The following NIT1 variants were observed in gnomAD, a reference collection of about 807,000 sequenced individuals.
NIT1 encodes the protein deaminated glutathione amidase.
A neutral mutation model predicts 36.8 loss-of-function variants in NIT1; 30 were observed. The ratio of observed to expected loss-of-function variants is 0.82; its 90% CI spans 0.61 to 1.11. The LOEUF is 1.11. Ranked by LOEUF, NIT1 falls within the 50% of genes least tolerant of loss-of-function variation. The pLI is 0.00. For synonymous variants in NIT1, 151 were observed against 155.6 expected, an observed-to-expected ratio of 0.97 and a Z score of 0.22; for missense variants, 438 against 410.6, an observed-to-expected ratio of 1.07 and a Z score of -0.58.
downstream of NIT1, chr1:161,125,175 A>G (rs549040611): frequency 1.6e-4 from 25 of 152,356 alleles, no homozygotes; most frequent in African/African-American, 5.5e-4. Flanking sequence ...ACTTAACTCC[A>G]GATTCTCAGT....
rs1207672994 is a variant in NIT1, at chr1:161,119,951, A to G, written c.590A>G (p.Lys197Arg). Residue 197 changes from lysine (K) to arginine (R), a missense_variant and splice_region_variant, in exon 5 of 7, where the codon AAG (lysine) becomes AGG (arginine). Physicochemically the swap from Lys to Arg is conservative, Grantham distance 26. Coordinates refer to ENST00000368009, the MANE Select transcript of NIT1 (RefSeq NM_005600.3). ...TCACCTGTCAGCACACCAGCAGGCAAGGTAGGAGTTGTGAAAGGATGAGGG... is the reference window on the plus strand; with the variant it reads ...TCACCTGTCAGCACACCAGCAGGCAGGGTAGGAGTTGTGAAAGGATGAGGG... The part of the protein sequence containing the change: ...LESPVSTPAG[K>R]IGLAVCYDMR... 6.2e-6 allele frequency: 10 copies of G among 1,607,756 alleles called. No individual in the cohort carries two copies. The Admixed American group carries it at 1.7e-4, about 27-fold the overall frequency.
At chr1:161,124,588 C>T (rs1414305302), downstream of NIT1, 2 of 1,459,252 alleles carry the variant, frequency 1.4e-6, no homozygotes, top group Non-Finnish European at 1.8e-6. Flanking sequence ...TCATGCATTC[C>T]CATATTCCCA....
At chr1:161,118,312 G>GGCGGGGC in intron 1 of NIT1, 134 bp downstream of exon 1, 3 of 1,549,250 alleles carry the variant, frequency 1.9e-6, no homozygotes, top group Non-Finnish European at 2.6e-6. Context: ...GAGGGTGGAG[G>GGCGGGGC]GCGGGGCGCG....
At chr1:161,121,861 A>G (rs755080823), downstream of NIT1, 14 of 370,644 alleles carry the variant, frequency 3.8e-5, no homozygotes, top group Non-Finnish European at 6.5e-5. Context: ...TATGTGCTGT[A>G]GACTTTGCTT....
At chr1:161,122,570 T>A (rs1655623630), downstream of NIT1, 2 of 1,580,408 alleles carry the variant, frequency 1.3e-6, no homozygotes, top group African/African-American at 1.4e-5. The surrounding 1 kb of genome is among the most constrained non-coding windows in gnomAD (Gnocchi z 4.2). Context: ...CAGTAAGGGA[T>A]GAGTTTACAA....
At position 161,120,616 on chromosome 1, in the gene NIT1, G is replaced by C; in HGVS notation, c.835G>C (p.Gly279Arg). 5.6e-6 allele frequency: 9 copies of C among 1,614,228 alleles called. No homozygotes were observed. Among genetic ancestry groups the C allele is most frequent in the Non-Finnish European group, 7.6e-6 (9 of 1,180,040 alleles). ...CCACAGCATGGTGGTAGACCCCTGG[G>C]GAACAGTGGTGGCCCGCTGCTCTGA... is the stretch of plus-strand genomic sequence containing the variant. ...YGHSMVVDPW[G>R]TVVARCSEGP... The change falls in exon 7 of 7, where the codon GGA becomes CGA. Residue 279 changes from glycine to arginine, a missense_variant. Physicochemically the swap from Gly to Arg is moderately radical, Grantham distance 125. Coordinates refer to ENST00000368009, the MANE Select transcript of NIT1 (RefSeq NM_005600.3).
chr1:161,119,495 T>A lies in NIT1; in HGVS notation c.354-14T>A. On this transcript the variant is annotated splice_polypyrimidine_tract_variant and intron_variant, in intron 3 of 6. Coordinates refer to ENST00000368009, the MANE Select transcript of NIT1 (RefSeq NM_005600.3). The stretch of plus-strand genomic sequence containing the variant: ...AGAAGTCAGTGAAGAGTTGTCAGTG[T>A]CCCTTCCCCCCAGGGAATGTGGACT... 1 of 1,613,776 alleles carries A rather than the reference T, an allele frequency of 6.2e-7. No homozygotes were observed. Among genetic ancestry groups the A allele is most frequent in the African/African-American group, 1.3e-5 (1 of 75,030 alleles).
chr1:161,124,601 T>G, downstream of NIT1: 1 of 1,442,572 alleles, frequency 6.9e-7, no homozygotes, highest in Non-Finnish European at 9.1e-7. Context: ...TATTCCCAGT[T>G]GCTAACAATG....
chr1:161,119,178 T>C lies in NIT1; in HGVS notation c.143T>C (p.Leu48Pro). ...TCCTCTTCCTCCTGCGAACTGCCCC[T>C]GGTGGCTGTGTGCCAGGTAACATCG... ...AISSSSCELP[L>P]VAVCQVTSTP... is the part of the protein sequence containing the mutation. The change falls in exon 3 of 7, where the codon CTG becomes CCG. Residue 48 changes from leucine to proline, a missense_variant. Coordinates refer to ENST00000368009, the MANE Select transcript of NIT1 (RefSeq NM_005600.3). The C allele has an allele frequency of 2.5e-6, 4 of 1,614,104 alleles. No individual in the cohort carries two copies. Among genetic ancestry groups the C allele is most frequent in the Non-Finnish European group, 3.4e-6 (4 of 1,180,014 alleles).
downstream of NIT1, chr1:161,124,409 C>G (rs551657580): frequency 1.1e-4 from 179 of 1,612,458 alleles, 3 homozygotes; most frequent in South Asian, 1.9e-3. Context: ...CATGTTCCTG[C>G]TCACCATGCT....
rs557271646 is a variant in NIT1 at position 161,118,136 on chromosome 1, C to T, written c.-41C>T. 18 of 1,613,914 alleles carry T rather than the reference C, an allele frequency of 1.1e-5. No individual in the cohort carries two copies. Among genetic ancestry groups the T allele is most frequent in the South Asian group, 1.1e-4 (10 of 91,086 alleles). On this transcript the variant is annotated 5_prime_UTR_variant, in exon 1 of 7. Coordinates refer to ENST00000368009, the MANE Select transcript of NIT1 (RefSeq NM_005600.3). Reference sequence around the variant, plus strand: ...TGCGGCGCTTCTGGCTCCAGACCGCCCTCCGGATCGGACCCTGCGAATGGT... The same window carrying T: ...TGCGGCGCTTCTGGCTCCAGACCGCTCTCCGGATCGGACCCTGCGAATGGT...
chr1:161,121,951 A>T (rs1405868126), downstream of NIT1: 1 of 647,934 alleles, frequency 1.5e-6, no homozygotes, highest in Non-Finnish European at 2.6e-6. Flanking sequence ...AAGGGAAATA[A>T]AGGGGAAGCC....
downstream of NIT1, chr1:161,122,604 A>C: frequency 6.6e-7 from 1 of 1,517,170 alleles, no homozygotes; most frequent in Non-Finnish European, 8.9e-7. The surrounding 1 kb of genome is among the most constrained non-coding windows in gnomAD (Gnocchi z 4.2). Flanking sequence ...ACTGAAAAGC[A>C]CAACAGAATA....
chr1:161,119,647 C>A, intron 4 of NIT1, 35 bp downstream of exon 4: 1 of 1,578,250 alleles, frequency 6.3e-7, no homozygotes, highest in South Asian at 1.1e-5. Flanking sequence ...TGCCTCTTCC[C>A]ATGCTCTTCT....
downstream of NIT1, chr1:161,124,462 T>C: frequency 6.3e-7 from 1 of 1,599,004 alleles, no homozygotes; most frequent in Non-Finnish European, 8.6e-7. Context: ...AGGCCCGCCA[T>C]GCTGGGGGCT....
chr1:161,118,862 G>C lies in NIT1; in HGVS notation c.79G>C (p.Val27Leu). Residue 27 changes from valine (V) to leucine (L), a missense_variant, in exon 2 of 7, where the codon GTA becomes CTA. Transcript: ENST00000368009. Reference sequence around the variant, plus strand: ...TGGACTCCGGATACCTCAACTCTCAGTACTTTGTGCTCAGCCCAGGTAACA... The same window carrying C: ...TGGACTCCGGATACCTCAACTCTCACTACTTTGTGCTCAGCCCAGGTAACA... The part of the protein sequence containing the change: ...CPGLRIPQLS[V>L]LCAQPRPRAM... 6.2e-7 allele frequency: 1 copy of C among 1,613,800 alleles called. No individual in the cohort carries two copies. Among genetic ancestry groups the C allele is most frequent in the Non-Finnish European group, 8.5e-7 (1 of 1,179,756 alleles).
rs200606669 is a variant in NIT1 at position 161,119,853 on chromosome 1, G to T, written c.492G>T (p.Leu164=). The change falls in exon 5 of 7, where the codon CTG becomes CTT. Residue 164 remains leucine, a synonymous_variant. Transcript: ENST00000368009. ...TGGCCACTTACAGGAAGACACATCT[G>T]TGTGACGTAGAGATTCCAGGGCAGG... ...AVVATYRKTH[L]CDVEIPGQGP... 1 of 1,611,952 alleles carries T rather than the reference G, an allele frequency of 6.2e-7. No individual in the cohort carries two copies. Among genetic ancestry groups the T allele is most frequent in the East Asian group, 2.2e-5 (1 of 44,860 alleles).
rs1482874249 is a variant in NIT1 at position 161,121,053 on chromosome 1, AATAATC to A, written c.*293_*298del. On this transcript the variant is annotated 3_prime_UTR_variant, in exon 7 of 7. Transcript: ENST00000368009. The stretch of plus-strand genomic sequence containing the variant: ...GAGCAGCACTGGCATTGAAAAATAT[AATAATC>A]ATAAAGTCTGTGTCTGGACATCGCC... 15 of 1,269,394 alleles carry A rather than the reference AATAATC, an allele frequency of 1.2e-5. No individual in the cohort carries two copies. Among genetic ancestry groups the A allele is most frequent in the Non-Finnish European group, 1.4e-5 (14 of 1,000,896 alleles). 78.6% of individuals were successfully genotyped at this position (1,269,394 alleles called of 1,614,324 possible).
chr1:161,120,112 TCTAG>T lies in NIT1; in HGVS notation c.600_603del (p.Ala201SerfsTer52), dbSNP rs1557972107. 18 of 1,614,038 alleles carry T rather than the reference TCTAG, an allele frequency of 1.1e-5. No individual in the cohort carries two copies. The highest frequency in any genetic ancestry group is 3.3e-4 in the Middle Eastern group (2 of 6,078). ...TAGGCTGTTTTTCATTCCAGATTGG[TCTAG>T]CTGTCTGCTATGACATGCGGTTCCC... On this transcript the variant is annotated frameshift_variant, in exon 6 of 7. Transcript: ENST00000368009. LOFTEE classifies it high-confidence loss of function.
Sources: gnomAD v4.1 joint callset for allele counts on GRCh38, gnomAD v4.1.1 for gene constraint, Gnocchi (gnomAD v3.1) non-coding constraint, MANE v1.5 for transcripts, NCBI Gene and HGNC (gene_info 2026-07-23, HGNC 2026-07-21) for gene names.